Variants in ASAP2 observed in about 807,000 individuals in gnomAD.
ASAP2 encodes the protein ArfGAP with SH3 domain, ankyrin repeat and PH domain 2.
ASAP2 carries 45 observed loss-of-function variants against 131.4 expected under a neutral mutation model. The ratio of observed to expected loss-of-function variants is 0.34; its 90% CI spans 0.27 to 0.44. The LOEUF is 0.44. ASAP2 is among the 20% of genes least tolerant of loss of function. The pLI, the probability that ASAP2 is intolerant of heterozygous loss-of-function variation, is 1.00. For synonymous variants in ASAP2, 510 were observed against 503.0 expected, an observed-to-expected ratio of 1.01 and a Z score of -0.19; for missense variants, 1,011 against 1,297.0, an observed-to-expected ratio of 0.78 and a Z score of 3.39.
chr2:9,373,054 C>T (rs538945804), intron 16 of ASAP2, among the ~76,000 whole-genome samples: 6 of 152,210 alleles, frequency 3.9e-5, no homozygotes, highest in Admixed American at 2.6e-4. Context: ...ACTGAGACCA[C>T]GTATCTCACA....
At chr2:9,251,928 T>C (rs1330860384) in intron 1 of ASAP2, among the ~76,000 whole-genome samples, 1 of 152,070 alleles carries the variant, frequency 6.6e-6, no homozygotes, top group African/African-American at 2.4e-5. Flanking sequence ...CTTTTTTTTT[T>C]CTTTCCTTAA....
chr2:9,386,795 G>A (rs1675290680), intron 21 of ASAP2, among the ~76,000 whole-genome samples: 1 of 152,218 alleles, frequency 6.6e-6, no homozygotes, highest in Admixed American at 6.5e-5. Context: ...CAAGAATGTG[G>A]TCAGCAAGGT....
intron 2 of ASAP2, among the ~76,000 whole-genome samples, chr2:9,282,648 C>T (rs760571911): frequency 2.0e-5 from 3 of 152,146 alleles, no homozygotes; most frequent in African/African-American, 4.8e-5. Context: ...GTTTTGATCA[C>T]GAGAATAAAG....
intron 1 of ASAP2, among the ~76,000 whole-genome samples, chr2:9,255,871 T>TG (rs1422904958): frequency 6.6e-6 from 1 of 152,250 alleles, no homozygotes; most frequent in East Asian, 1.9e-4. Flanking sequence ...AACATTGGGC[T>TG]GGGGGGCACA....
chr2:9,354,773 C>T (rs1672586205), intron 12 of ASAP2, among the ~76,000 whole-genome samples: 2 of 152,184 alleles, frequency 1.3e-5, no homozygotes, highest in African/African-American at 4.8e-5. Context: ...CTCTAGGCTT[C>T]AGCCCTCACC....
chr2:9,260,934 A>G (rs1665534812), intron 1 of ASAP2, among the ~76,000 whole-genome samples: 1 of 152,176 alleles, frequency 6.6e-6, no homozygotes, highest in African/African-American at 2.4e-5. Flanking sequence ...GGAATTGGTT[A>G]CCCAGGGTGG....
At chr2:9,300,763 T>A (rs1572389701) in intron 3 of ASAP2, among the ~76,000 whole-genome samples, 1 of 152,332 alleles carries the variant, frequency 6.6e-6, no homozygotes, top group East Asian at 1.9e-4. Context: ...GTATTAACAC[T>A]CCAAACCCAA....
intron 3 of ASAP2, among the ~76,000 whole-genome samples, chr2:9,301,820 CTT>C (rs1177064910): frequency 7.6e-4 from 88 of 115,384 alleles, no homozygotes; most frequent in African/African-American, 2.7e-3. Context: ...TATCCATCAT[CTT>C]TTTTTTTTTT....
intron 16 of ASAP2, among the ~76,000 whole-genome samples, chr2:9,372,933 C>T (rs1271676313): frequency 6.6e-6 from 1 of 152,118 alleles, no homozygotes; most frequent in East Asian, 1.9e-4. Context: ...CAGACAGGGA[C>T]CCTGCCTGGG....
chr2:9,403,153 C>A, intron 27 of ASAP2, 100 bp from the exon 28 acceptor site: 1 of 950,068 alleles, frequency 1.1e-6, no homozygotes, highest in East Asian at 2.5e-5. Context: ...TCTTCTGAAC[C>A]AATCTTGCTT....
chr2:9,296,219 A>G (rs902131384), intron 2 of ASAP2, among the ~76,000 whole-genome samples: 19 of 152,244 alleles, frequency 1.2e-4, no homozygotes, highest in African/African-American at 4.6e-4. Flanking sequence ...AGCCATGCAG[A>G]TAGAAGTTGT....
chr2:9,386,280 T>C (rs572529591), intron 21 of ASAP2, among the ~76,000 whole-genome samples: 2 of 152,234 alleles, frequency 1.3e-5, no homozygotes, highest in East Asian at 3.9e-4. Context: ...TTAACATCCA[T>C]ACTTAACTGC....
intron 2 of ASAP2, among the ~76,000 whole-genome samples, chr2:9,290,539 C>T (rs1038739578): frequency 2.0e-5 from 3 of 152,218 alleles, no homozygotes; most frequent in Admixed American, 6.5e-5. Context: ...AGGCACAGAG[C>T]ACTGTAACAA....
chr2:9,364,234 G>T (rs567127821), intron 15 of ASAP2, among the ~76,000 whole-genome samples: 1 of 152,068 alleles, frequency 6.6e-6, no homozygotes, highest in African/African-American at 2.4e-5. Flanking sequence ...GAGACCAGGC[G>T]CAGTGGTTCA....
intron 1 of ASAP2, among the ~76,000 whole-genome samples, chr2:9,279,068 AGG>A (rs1666949455): frequency 6.6e-6 from 1 of 152,172 alleles, no homozygotes; most frequent in South Asian, 2.1e-4. Flanking sequence ...CTGCAGGAGG[AGG>A]AGTTGGTTTT....
chr2:9,213,481 T>C (rs1459850422), intron 1 of ASAP2, among the ~76,000 whole-genome samples: 1 of 152,140 alleles, frequency 6.6e-6, no homozygotes, highest in Non-Finnish European at 1.5e-5. Flanking sequence ...CATGGTCCGA[T>C]ATCCATTTTA....
chr2:9,227,218 C>G (rs1257822960), intron 1 of ASAP2, among the ~76,000 whole-genome samples: 1 of 152,162 alleles, frequency 6.6e-6, no homozygotes, highest in Non-Finnish European at 1.5e-5. Context: ...TTTCAGGGCA[C>G]TTGGCCTCTG....
chr2:9,292,831 TGCCGG>T (rs746786215), intron 2 of ASAP2, among the ~76,000 whole-genome samples: 19 of 152,234 alleles, frequency 1.2e-4, no homozygotes, highest in Admixed American at 3.9e-4. Context: ...ACATCCCTGT[TGCCGG>T]GCTGGAAATA....
In ASAP2 at chr2:9,401,374, G is replaced by A; in HGVS notation, c.2924G>A (p.Gly975Glu). ...FSEGDVIIVDGEEDQEWWIGH... is the reference protein window; with the variant it reads ...FSEGDVIIVDEEEDQEWWIGH... ...GAGGGGGATGTGATCATCGTGGACGGGGAGGAGGACCAGGAGTGGTGGGTG... is the reference window on the plus strand; with the variant it reads ...GAGGGGGATGTGATCATCGTGGACGAGGAGGAGGACCAGGAGTGGTGGGTG... The change falls in exon 27 of 28, where the codon GGG (glycine) becomes GAG (glutamate). Residue 975 changes from glycine (G) to glutamate (E), a missense_variant. Gly to Glu is a moderately conservative substitution (Grantham distance 98). Around this residue, in one of 2 missense-constraint regions of ASAP2, gnomAD observed 652 missense variants for 698.9 expected, o/e 0.93. Transcript: ENST00000281419. The A allele has an allele frequency of 6.2e-7, 1 of 1,613,628 alleles. No individual in the cohort carries two copies. The highest frequency in any genetic ancestry group is 8.5e-7 in the Non-Finnish European group (1 of 1,179,924).
Sources: allele counts gnomAD v4.1 joint callset (sites outside exome capture counted in the v4.1 genomes callset), GRCh38; gene constraint gnomAD v4.1.1; regional missense constraint gnomAD v4.1.1; transcripts MANE v1.5; gene names NCBI Gene and HGNC (gene_info 2026-07-23, HGNC 2026-07-21).